Variants in GMPR observed in about 807,000 individuals in gnomAD.
The protein encoded by GMPR is GMP reductase 1.
GMPR carries 31 observed loss-of-function variants against 38.4 expected under a neutral mutation model. The ratio of observed to expected loss-of-function variants is 0.81; its 90% CI spans 0.61 to 1.09. The LOEUF is 1.09. Among genes scored for constraint, GMPR ranks in the 50% least tolerant of loss-of-function variants. GMPR has a pLI of 0.00. For missense variants in GMPR, 468 were observed against 453.7 expected (o/e 1.03, Z -0.29); for synonymous variants, 162 against 173.3 (o/e 0.93, Z 0.51).
At chr6:16,285,017 C>CAAAAAAAAAAAAAAA (rs1230598044) in intron 6 of GMPR, among the ~76,000 whole-genome samples, 2 of 35,088 alleles carry the variant, frequency 5.7e-5, no homozygotes, top group South Asian at 1.0e-3. Flanking sequence ...GAGACTGTCT[C>CAAAAAAAAAAAAAAA]AAAAAAAAAA....
At chr6:16,239,047 G>A (rs1758593814) in intron 1 of GMPR, among the ~76,000 whole-genome samples, 2 of 152,202 alleles carry the variant, frequency 1.3e-5, no homozygotes, top group Non-Finnish European at 2.9e-5. Context: ...CCACAGATGA[G>A]CGAGATCCAG....
At chr6:16,282,255 G>A (rs1269107398) in intron 6 of GMPR, among the ~76,000 whole-genome samples, 1 of 151,534 alleles carries the variant, frequency 6.6e-6, no homozygotes, top group East Asian at 2.0e-4. Flanking sequence ...GGCAGAGGGA[G>A]GAAAAATTCA....
At position 16,254,730 on chromosome 6, in the gene GMPR, A is replaced by G. The variant is rs369120972; in HGVS notation, c.460A>G (p.Ile154Val). Residue 154 changes from isoleucine to valine, a missense_variant, in exon 4 of 9, where the codon ATT becomes GTT. Ile to Val is a conservative substitution (Grantham distance 29). Transcript: ENST00000259727. ...CCGTGCCAAATTTCCTGAACACACC[A>G]TTATGGTAAGTACGGTAGAACATTA... Reference protein sequence around the residue: ...LVRAKFPEHTIMAGNVVTGEM... With the variant: ...LVRAKFPEHTVMAGNVVTGEM... The G allele has an allele frequency of 4.3e-5, 70 of 1,610,706 alleles. No homozygotes were observed. The African/African-American group carries it at 9.1e-4, about 21-fold the overall frequency.
chr6:16,295,076 G>C lies in GMPR; in HGVS notation c.928G>C (p.Gly310Arg). The change falls in exon 9 of 9, where the codon GGG becomes CGG. Residue 310 changes from glycine (G) to arginine (R), a missense_variant. Transcript: ENST00000259727. ...GGAAAACACTATCCTGGATATTCTC[G>C]GGGGACTGAGGTCCACGTGCACCTA... ...DVENTILDIL[G>R]GLRSTCTYVG... 6.2e-7 allele frequency: 1 copy of C among 1,601,168 alleles called. No individual in the cohort carries two copies. Among genetic ancestry groups the C allele is most frequent in the Non-Finnish European group, 8.5e-7 (1 of 1,175,358 alleles).
At chr6:16,271,031 ATAAT>A (rs1759375027) in intron 4 of GMPR, among the ~76,000 whole-genome samples, 1 of 152,172 alleles carries the variant, frequency 6.6e-6, no homozygotes, top group Non-Finnish European at 1.5e-5. Context: ...TGCTTTAAAA[ATAAT>A]TAAATAAGTA....
intron 1 of GMPR, among the ~76,000 whole-genome samples, chr6:16,239,757 G>C (rs1228050752): frequency 6.6e-6 from 1 of 152,270 alleles, no homozygotes; most frequent in Non-Finnish European, 1.5e-5. Context: ...CCGGTGCCAG[G>C]CCTAACTGCA....
chr6:16,279,728 G>A (rs1247285822), intron 6 of GMPR, among the ~76,000 whole-genome samples: 1 of 152,228 alleles, frequency 6.6e-6, no homozygotes. Flanking sequence ...AGAGGGGCAG[G>A]CGTGAGGGGC....
chr6:16,269,469 A>G (rs1331149422), intron 4 of GMPR, among the ~76,000 whole-genome samples: 1 of 152,210 alleles, frequency 6.6e-6, no homozygotes, highest in Non-Finnish European at 1.5e-5. Flanking sequence ...CTGCAATAAC[A>G]AGATACCATA....
chr6:16,288,677 C>T (rs1003104491), intron 7 of GMPR, among the ~76,000 whole-genome samples: 16 of 152,248 alleles, frequency 1.1e-4, no homozygotes, highest in Non-Finnish European at 1.8e-4. Context: ...GCTCCATCTG[C>T]AGCCCCAGTG....
chr6:16,290,915 T>C (rs1337477008), intron 8 of GMPR, among the ~76,000 whole-genome samples: 1 of 152,142 alleles, frequency 6.6e-6, no homozygotes, highest in Non-Finnish European at 1.5e-5. Flanking sequence ...GGTGGAATTA[T>C]TGTCTTGTCC....
rs370006576 is a variant in GMPR at position 16,266,211 on chromosome 6, C to T, written c.466-8204C>T. On this transcript the variant is annotated intron_variant, in intron 4 of 8. Transcript: ENST00000259727. ...TCTTTAAGAGCTGTAACACTCGCTG[C>T]GAAGAATGAAGAACGCCGCGCGCAC... 2.5e-4 allele frequency among the ~76,000 whole-genome samples: 38 copies of T among 150,026 alleles called. No homozygotes were observed. In the East Asian group the frequency reaches 3.8e-3, roughly 15 times the overall value.
Position 16,246,891 on chromosome 6 carries a change from CA to C in GMPR, c.138del (p.Ile48PhefsTer19), listed in dbSNP as rs1209167957. On this transcript the variant is annotated frameshift_variant, in exon 2 of 9. Transcript: ENST00000259727. LOFTEE classifies it high-confidence loss of function. ...TTTCGAAATTCAAAGCAGACCTACT[CA>C]GGGATTCCCATCATCGTGGCCAACA... ...FTFRNSKQTYSGIPIIVANMD... is the reference protein window; with the variant it reads ...FTFRNSKQTYXGIPIIVANMD... 1.9e-6 allele frequency: 3 copies of C among 1,613,502 alleles called. No individual in the cohort carries two copies. Among genetic ancestry groups the C allele is most frequent in the Non-Finnish European group, 2.5e-6 (3 of 1,179,490 alleles).
intron 7 of GMPR, 85 bp from the exon 8 acceptor site, chr6:16,290,377 G>A: frequency 8.1e-7 from 1 of 1,234,078 alleles, no homozygotes; most frequent in Non-Finnish European, 1.2e-6. Context: ...GAGGTGAACT[G>A]GGCAAGCACT....
chr6:16,279,788 C>T (rs749688617), intron 6 of GMPR, among the ~76,000 whole-genome samples: 1 of 152,068 alleles, frequency 6.6e-6, no homozygotes, highest in Non-Finnish European at 1.5e-5. Context: ...GTGGGATCCA[C>T]CTTTAAGGAT....
chr6:16,251,402 C>A (rs1758873492), intron 3 of GMPR, among the ~76,000 whole-genome samples: 1 of 152,212 alleles, frequency 6.6e-6, no homozygotes, highest in African/African-American at 2.4e-5. Context: ...GAAACCCTGT[C>A]TTTACTAGAA....
rs749929417 is a variant in GMPR, at chr6:16,295,204, C to G, written c.*18C>G. On this transcript the variant is annotated 3_prime_UTR_variant, in exon 9 of 9. Coordinates refer to ENST00000259727, the MANE Select transcript of GMPR (RefSeq NM_006877.4). ...TCAGCTAACCCTGGGGACAAAGCAG[C>G]GTCTGGCTCGAGTGGAAGCGTCCAA... The G allele has an allele frequency of 1.3e-6, 2 of 1,484,676 alleles. No individual in the cohort carries two copies. The highest frequency in any genetic ancestry group is 1.8e-6 in the Non-Finnish European group (2 of 1,121,992). 92.0% of individuals were successfully genotyped at this position (1,484,676 alleles called of 1,614,324 possible). A position where few individuals can be genotyped will look rare whatever the true frequency, so the allele number is the denominator to read the frequency against.
chr6:16,289,311 C>T (rs1317825581), intron 7 of GMPR, among the ~76,000 whole-genome samples: 3 of 152,308 alleles, frequency 2.0e-5, no homozygotes, highest in Non-Finnish European at 2.9e-5. Context: ...CCACCAGTTC[C>T]GAACACAGTA....
At position 16,289,848 on chromosome 6, in the gene GMPR, A is replaced by ATTTTTTTTTTTTT. The variant is rs546450494; in HGVS notation, c.698-589_698-577dup. The stretch of plus-strand genomic sequence containing the variant: ...AACTTGCTTTCTAAGATACTGCCCA[A>ATTTTTTTTTTTTT]TTTTTTTTTTTTTTTTTTTTTTTTT... On this transcript the variant is annotated intron_variant, in intron 7 of 8. Coordinates refer to ENST00000259727, the MANE Select transcript of GMPR (RefSeq NM_006877.4). 1.3e-3 allele frequency: 82 copies of ATTTTTTTTTTTTT among 63,188 alleles called. 16 individuals carry two copies. Among genetic ancestry groups the ATTTTTTTTTTTTT allele is most frequent in the African/African-American group, 3.0e-3 (42 of 14,178 alleles). The allele number at this position is 63,188 out of a possible 1,614,324, so 3.9% of individuals were successfully genotyped here. A position where few individuals can be genotyped will look rare whatever the true frequency, so the allele number is the denominator to read the frequency against.
intron 5 of GMPR, among the ~76,000 whole-genome samples, chr6:16,278,240 C>G (rs1305498927): frequency 6.6e-6 from 1 of 152,148 alleles, no homozygotes; most frequent in Non-Finnish European, 1.5e-5. Flanking sequence ...GGCCCTGGGC[C>G]AAGCGGTATC....
Sources: allele counts gnomAD v4.1 joint callset (sites outside exome capture counted in the v4.1 genomes callset), GRCh38; gene constraint gnomAD v4.1.1; transcripts MANE v1.5; gene names NCBI Gene and HGNC (gene_info 2026-07-23, HGNC 2026-07-21).